The following LYPLAL1 variants were observed in gnomAD, a reference collection of about 807,000 sequenced individuals.
LYPLAL1 encodes the protein lysophospholipase-like protein 1.
LYPLAL1 carries 23 observed loss-of-function variants against 19.7 expected under a neutral mutation model. That is an observed-to-expected ratio of 1.17 (90% CI 0.84 to 1.65). The LOEUF is 1.65. LYPLAL1 is among the 40% of genes most tolerant of loss of function. The pLI is 0.00. For missense variants in LYPLAL1, 355 were observed against 279.4 expected, an observed-to-expected ratio of 1.27 and a Z score of -1.93; for synonymous variants, 119 against 96.3, an observed-to-expected ratio of 1.24 and a Z score of -1.38.
chr1:219,251,260 G>T, the LYPLAL1 span, among the ~76,000 whole-genome samples: 1 of 151,530 alleles, frequency 6.6e-6, no homozygotes, highest in Non-Finnish European at 1.5e-5. Flanking sequence ...TTTTCTGTTT[G>T]TTTTTTGCTG....
At chr1:219,220,764 T>G in the LYPLAL1 span, among the ~76,000 whole-genome samples, 5 of 152,014 alleles carry the variant, frequency 3.3e-5, no homozygotes, top group Admixed American at 2.0e-4. Flanking sequence ...ATCTGACTAC[T>G]AGCCCATTGT....
chr1:219,389,609 A>G, the LYPLAL1 span, among the ~76,000 whole-genome samples: 1 of 152,166 alleles, frequency 6.6e-6, no homozygotes, highest in Non-Finnish European at 1.5e-5. Flanking sequence ...AATAACCCTT[A>G]TGCTAAAGCA....
chr1:219,243,735 C>G, the LYPLAL1 span, among the ~76,000 whole-genome samples: 1 of 151,902 alleles, frequency 6.6e-6, no homozygotes, highest in Admixed American at 6.6e-5. Context: ...GCCTGGCCAA[C>G]ATGAAAACCC....
At chr1:219,216,231 A>C (rs992951684), downstream of LYPLAL1, among the ~76,000 whole-genome samples, 4 of 151,614 alleles carry the variant, frequency 2.6e-5, no homozygotes, top group Non-Finnish European at 4.4e-5. Context: ...ATCATTTTTG[A>C]GTTTGTATAT....
chr1:219,289,292 A>G, the LYPLAL1 span, among the ~76,000 whole-genome samples: 2 of 152,112 alleles, frequency 1.3e-5, no homozygotes, highest in African/African-American at 4.8e-5. Flanking sequence ...CTGAGAACCA[A>G]GGAAGCCCGT....
At chr1:219,211,008 T>A (rs1247462854) in intron 4 of LYPLAL1, among the ~76,000 whole-genome samples, 1 of 152,140 alleles carries the variant, frequency 6.6e-6, no homozygotes, top group Non-Finnish European at 1.5e-5. Flanking sequence ...ATCAATTACA[T>A]AGCACATACT....
the LYPLAL1 span, among the ~76,000 whole-genome samples, chr1:219,348,531 T>C: frequency 2.6e-5 from 4 of 152,206 alleles, no homozygotes; most frequent in African/African-American, 9.6e-5. Flanking sequence ...ATGTCTTCAG[T>C]CTTCTTTTTT....
At chr1:219,373,765 A>G in the LYPLAL1 span, among the ~76,000 whole-genome samples, 2 of 151,564 alleles carry the variant, frequency 1.3e-5, no homozygotes, top group South Asian at 4.2e-4. Context: ...GAGACTTTTT[A>G]CATTTGTGTG....
At chr1:219,357,283 A>G in the LYPLAL1 span, among the ~76,000 whole-genome samples, 36 of 152,354 alleles carry the variant, frequency 2.4e-4, no homozygotes, top group African/African-American at 8.4e-4. Flanking sequence ...TCTTTGGCTT[A>G]AGACAAACGT....
chr1:219,433,910 A>G, the LYPLAL1 span, among the ~76,000 whole-genome samples: 1 of 152,198 alleles, frequency 6.6e-6, no homozygotes, highest in African/African-American at 2.4e-5. Context: ...CATTGGCTCC[A>G]CCCACAAGGT....
In LYPLAL1 at chr1:219,173,898, C is replaced by T. The variant is rs1252418225; in HGVS notation, c.8C>T (p.Ala3Val). 8 of 1,612,356 alleles carry T rather than the reference C, an allele frequency of 5.0e-6. No homozygotes were observed. Among genetic ancestry groups the T allele is most frequent in the Non-Finnish European group, 6.8e-6 (8 of 1,179,878 alleles). MA[A>V]ASGSVLQRCI... ...CTGGCAGTGGCATCAGCGATGGCGG[C>T]TGCGTCGGGGTCGGTTCTGCAGCGC... The change falls in exon 1 of 5, where the codon GCT becomes GTT. Residue 3 changes from alanine (A) to valine (V), a missense_variant. By Grantham distance (64) the Ala-to-Val change is moderately conservative. Transcript: ENST00000366928.
chr1:219,429,764 C>A, the LYPLAL1 span, among the ~76,000 whole-genome samples: 1 of 152,162 alleles, frequency 6.6e-6, no homozygotes, highest in African/African-American at 2.4e-5. Context: ...AATCTGAATT[C>A]ATTAGACCAT....
chr1:219,427,398 A>G, the LYPLAL1 span, among the ~76,000 whole-genome samples: 1 of 152,198 alleles, frequency 6.6e-6, no homozygotes, highest in African/African-American at 2.4e-5. Flanking sequence ...GAGCTTTTGA[A>G]TTTTATATGC....
chr1:219,375,989 C>T, the LYPLAL1 span, among the ~76,000 whole-genome samples: 84 of 152,246 alleles, frequency 5.5e-4, no homozygotes, highest in Non-Finnish European at 2.9e-4. Context: ...GATTCACCCG[C>T]CTCGGCCTCC....
the LYPLAL1 span, among the ~76,000 whole-genome samples, chr1:219,417,821 G>A: frequency 5.3e-5 from 8 of 152,342 alleles, no homozygotes; most frequent in South Asian, 2.1e-4. Flanking sequence ...AAGGCATGTC[G>A]GGCAGTCATC....
chr1:219,352,076 C>G, the LYPLAL1 span, among the ~76,000 whole-genome samples: 10 of 152,296 alleles, frequency 6.6e-5, no homozygotes, highest in Admixed American at 5.9e-4. Context: ...TACATCTGCT[C>G]CACTCTATAG....
chr1:219,362,470 C>G, the LYPLAL1 span, among the ~76,000 whole-genome samples: 2 of 152,046 alleles, frequency 1.3e-5, no homozygotes, highest in Non-Finnish European at 2.9e-5. Flanking sequence ...AAATGAAGAA[C>G]TCAACGATTT....
the LYPLAL1 span, among the ~76,000 whole-genome samples, chr1:219,301,457 T>C: frequency 4.6e-5 from 7 of 152,300 alleles, no homozygotes; most frequent in South Asian, 1.0e-3. Context: ...AATTTGTGAT[T>C]ATAGAGCATG....
chr1:219,257,188 A>AT, the LYPLAL1 span, among the ~76,000 whole-genome samples: 1 of 151,952 alleles, frequency 6.6e-6, no homozygotes, highest in Admixed American at 6.6e-5. Flanking sequence ...TATGTTTAAC[A>AT]TTTTTTGAAG....
Sources: gnomAD v4.1 joint callset for allele counts (sites outside exome capture counted in the v4.1 genomes callset) on GRCh38, gnomAD v4.1.1 for gene constraint, MANE v1.5 for transcripts, NCBI Gene and HGNC (gene_info 2026-07-23, HGNC 2026-07-21) for gene names.